RAB30: variants seen among roughly 807,000 people sequenced by gnomAD.
The protein encoded by RAB30 is ras-related protein Rab-30.
Under a neutral mutation model 25.1 loss-of-function variants are expected in RAB30, and 9 were observed. That is an observed-to-expected ratio of 0.36 (90% CI 0.22 to 0.63). The LOEUF (loss-of-function observed/expected upper bound fraction) is 0.63. RAB30 is among the 20% of genes least tolerant of loss of function. The pLI is 0.69. For missense variants in RAB30, 140 were observed against 243.5 expected (o/e 0.58, Z 2.83); for synonymous variants, 77 against 86.4 (o/e 0.89, Z 0.60).
intron 1 of RAB30, among the ~76,000 whole-genome samples, chr11:83,048,541 T>C (rs893547252): frequency 2.6e-5 from 4 of 152,106 alleles, no homozygotes; most frequent in Non-Finnish European, 5.9e-5. Context: ...GAGAGACAGT[T>C]TAAATTTGGA....
At position 83,021,176 on chromosome 11, in the gene RAB30, C is replaced by T. The variant is rs540340081; in HGVS notation, c.-8-23852G>A. 5.9e-5 allele frequency among the ~76,000 whole-genome samples: 9 copies of T among 152,354 alleles called. No individual in the cohort carries two copies. In the East Asian group the frequency reaches 7.7e-4, roughly 13 times the overall value. ...CTCCTCTCTGTCTTGCTTACCCTTC[C>T]GCCTGTCTGTGTACCTCATTCTTCC... On this transcript the variant is annotated intron_variant, in intron 1 of 4. Coordinates refer to ENST00000527633, the MANE Select transcript of RAB30 (RefSeq NM_001286060.2).
At chr11:83,065,688 C>A (rs1858679191) in intron 1 of RAB30, among the ~76,000 whole-genome samples, 1 of 152,078 alleles carries the variant, frequency 6.6e-6, no homozygotes, top group Non-Finnish European at 1.5e-5. Flanking sequence ...ACTGTGGATA[C>A]TAAACAAGCA....
At chr11:83,035,705 T>C (rs2121514297) in intron 1 of RAB30, 1 of 152,372 alleles carries the variant, frequency 6.6e-6, no homozygotes, top group African/African-American at 2.4e-5. Context: ...TTAGGTTTGA[T>C]AATTTAATTT....
At chr11:83,053,780 A>G (rs950577561) in intron 1 of RAB30, among the ~76,000 whole-genome samples, 5 of 152,210 alleles carry the variant, frequency 3.3e-5, no homozygotes, top group African/African-American at 1.2e-4. Flanking sequence ...AAAGTTTGCC[A>G]AAGTTTTAAT....
chr11:83,022,011 A>G (rs996058843), intron 1 of RAB30, among the ~76,000 whole-genome samples: 3 of 152,200 alleles, frequency 2.0e-5, no homozygotes, highest in Non-Finnish European at 4.4e-5. Flanking sequence ...CATCATAGGC[A>G]CTTAATTAAG....
At chr11:83,069,733 CA>C (rs775300836) in intron 1 of RAB30, among the ~76,000 whole-genome samples, 32 of 152,184 alleles carry the variant, frequency 2.1e-4, no homozygotes, top group Non-Finnish European at 3.4e-4. Flanking sequence ...CTTGCTAATC[CA>C]TAGGCAGGTG....
intron 1 of RAB30, chr11:83,059,934 G>A (rs1340499955): frequency 6.6e-6 from 1 of 152,360 alleles, no homozygotes; most frequent in Non-Finnish European, 1.5e-5. Flanking sequence ...GTTGGGGCCA[G>A]ACACAGTGGC....
rs997570042 is a variant in RAB30 at position 82,982,291 on chromosome 11, G to C, written c.486C>G (p.Leu162=). 2 of 1,614,234 alleles carry C rather than the reference G, an allele frequency of 1.2e-6. 1 individual carries two copies. The highest frequency in any genetic ancestry group is 4.5e-5 in the East Asian group (2 of 44,894). The change falls in exon 5 of 5, where the codon CTC becomes CTG. Residue 162 remains leucine, a synonymous_variant. Coordinates refer to ENST00000527633, the MANE Select transcript of RAB30 (RefSeq NM_001286060.2). ...SAKESDNVEK[L]FLDLACRLIS... ...TGAGTCGGCATGCTAAGTCAAGGAA[G>C]AGTTTCTCCACATTATCAGATTCCT...
At chr11:83,022,349 T>C (rs1159289279) in intron 1 of RAB30, among the ~76,000 whole-genome samples, 1 of 152,166 alleles carries the variant, frequency 6.6e-6, no homozygotes, top group African/African-American at 2.4e-5. Flanking sequence ...TCTGGAGACA[T>C]GGTCTCACTA....
chr11:82,985,058 T>A (rs1856714719), intron 4 of RAB30, among the ~76,000 whole-genome samples: 1 of 152,116 alleles, frequency 6.6e-6, no homozygotes, highest in Non-Finnish European at 1.5e-5. Flanking sequence ...GCTCACTGTA[T>A]CCTGTGTCTC....
intron 1 of RAB30, among the ~76,000 whole-genome samples, chr11:83,032,230 C>T (rs951806714): frequency 3.3e-5 from 5 of 152,184 alleles, no homozygotes; most frequent in African/African-American, 1.2e-4. Flanking sequence ...TATATTATGA[C>T]CCAGAGTTTA....
At chr11:83,061,741 G>C (rs1251508748) in intron 1 of RAB30, among the ~76,000 whole-genome samples, 2 of 135,184 alleles carry the variant, frequency 1.5e-5, no homozygotes, top group South Asian at 2.4e-4. Flanking sequence ...TTTAAAGATG[G>C]GGTCTTACAA....
At chr11:83,055,220 G>A (rs192373636) in intron 1 of RAB30, among the ~76,000 whole-genome samples, 6 of 152,308 alleles carry the variant, frequency 3.9e-5, no homozygotes, top group Middle Eastern at 3.4e-3. Context: ...AAAGTGCCTA[G>A]CATAGCACCT....
chr11:83,044,970 C>G (rs957328192), intron 1 of RAB30, among the ~76,000 whole-genome samples: 2 of 152,152 alleles, frequency 1.3e-5, no homozygotes, highest in Admixed American at 6.5e-5. Context: ...CTTTGATGTT[C>G]AAAGAGAATT....
intron 1 of RAB30, among the ~76,000 whole-genome samples, chr11:83,026,595 T>C (rs977246411): frequency 5.3e-5 from 8 of 152,234 alleles, no homozygotes; most frequent in Non-Finnish European, 8.8e-5. Context: ...CTGTAAAGCC[T>C]GTAAAACTGT....
In RAB30 at chr11:82,981,104, A is replaced by T. The variant is rs1856630389; in HGVS notation, c.*1061T>A. The T allele has an allele frequency of 6.6e-6, 1 of 152,208 alleles. No homozygotes were observed. Among genetic ancestry groups the T allele is most frequent in the African/African-American group, 2.4e-5 (1 of 41,446 alleles). 9.4% of individuals were successfully genotyped at this position (152,208 alleles called of 1,614,324 possible). A position where few individuals can be genotyped will look rare whatever the true frequency, so the allele number is the denominator to read the frequency against. ...AAAATCCTAAGCCTTGGTCTGTCCAAGATGGAGAGTACCAGGAAGTAAAAG... is the reference window on the plus strand; with the variant it reads ...AAAATCCTAAGCCTTGGTCTGTCCATGATGGAGAGTACCAGGAAGTAAAAG... On this transcript the variant is annotated 3_prime_UTR_variant, in exon 5 of 5. Coordinates refer to ENST00000527633, the MANE Select transcript of RAB30 (RefSeq NM_001286060.2).
intron 1 of RAB30, among the ~76,000 whole-genome samples, chr11:83,067,122 C>A (rs777291680): frequency 5.3e-4 from 80 of 152,244 alleles, no homozygotes; most frequent in Non-Finnish European, 8.7e-4. Flanking sequence ...ACCCCTACCC[C>A]CTAGCCTAGT....
intron 3 of RAB30, among the ~76,000 whole-genome samples, chr11:82,990,718 A>C (rs1856833553): frequency 2.6e-5 from 4 of 152,212 alleles, no homozygotes; most frequent in Admixed American, 2.0e-4. Context: ...TTACTCATTA[A>C]TTTATAATAG....
intron 1 of RAB30, among the ~76,000 whole-genome samples, chr11:83,062,988 G>A (rs571435039): frequency 1.4e-5 from 2 of 143,600 alleles, no homozygotes; most frequent in African/African-American, 5.3e-5. Context: ...GGGTGACAGA[G>A]TGGGACTCCG....
Sources: allele counts gnomAD v4.1 joint callset (sites outside exome capture counted in the v4.1 genomes callset), GRCh38; gene constraint gnomAD v4.1.1; transcripts MANE v1.5; gene names NCBI Gene and HGNC (gene_info 2026-07-23, HGNC 2026-07-21).